PXDNL: variants seen among roughly 807,000 people sequenced by gnomAD.
The protein encoded by PXDNL is peroxidasin like, also known as probable oxidoreductase PXDNL.
PXDNL carries 145 observed loss-of-function variants against 150.8 expected under a neutral mutation model. The observed-to-expected ratio is 0.96, with a 90% CI of 0.84 to 1.10. The LOEUF is 1.10. Among genes scored for constraint, PXDNL ranks in the 50% least tolerant of loss-of-function variants. The pLI is 0.00. For missense variants in PXDNL, 2,087 were observed against 1,873.9 expected (o/e 1.11, Z -2.10); for synonymous variants, 757 against 725.7 (o/e 1.04, Z -0.69).
At chr8:51,731,716 A>G (rs1030467525) in intron 1 of PXDNL, among the ~76,000 whole-genome samples, 1 of 152,164 alleles carries the variant, frequency 6.6e-6, no homozygotes, top group African/African-American at 2.4e-5. Context: ...GGGGTTCCCA[A>G]ACCTCAATTC....
chr8:51,343,061 C>T (rs1360571069), intron 20 of PXDNL, among the ~76,000 whole-genome samples: 1 of 151,986 alleles, frequency 6.6e-6, no homozygotes, highest in East Asian at 1.9e-4. Context: ...CACAAAAACC[C>T]AAGACACTGT....
At chr8:51,741,827 T>C (rs1192686104) in intron 1 of PXDNL, among the ~76,000 whole-genome samples, 1 of 152,236 alleles carries the variant, frequency 6.6e-6, no homozygotes, top group East Asian at 1.9e-4. Flanking sequence ...GAAAATAATG[T>C]GGCAGTTTCT....
At chr8:51,806,056 GAT>G (rs2129266438) in intron 1 of PXDNL, among the ~76,000 whole-genome samples, 1 of 152,296 alleles carries the variant, frequency 6.6e-6, no homozygotes, top group South Asian at 2.1e-4. Context: ...TTTGGTAAAT[GAT>G]ATTAGTTTAG....
chr8:51,447,327 C>T (rs571182944), intron 11 of PXDNL, among the ~76,000 whole-genome samples, 165 bp from the exon 12 acceptor site: 18 of 152,102 alleles, frequency 1.2e-4, no homozygotes, highest in Admixed American at 5.2e-4. Context: ...AAACACAGCA[C>T]CCCCATGCCG....
chr8:51,368,673 C>G (rs890880171), intron 19 of PXDNL, among the ~76,000 whole-genome samples: 1 of 152,150 alleles, frequency 6.6e-6, no homozygotes, highest in Non-Finnish European at 1.5e-5. Context: ...ACGGAGGTCT[C>G]TATTTTACTC....
At chr8:51,662,612 T>G (rs751761988) in intron 1 of PXDNL, among the ~76,000 whole-genome samples, 1 of 152,210 alleles carries the variant, frequency 6.6e-6, no homozygotes, top group African/African-American at 2.4e-5. Flanking sequence ...TTACCTTGTA[T>G]TAGTTATAAG....
intron 1 of PXDNL, among the ~76,000 whole-genome samples, chr8:51,737,080 C>T (rs997546832): frequency 2.0e-5 from 3 of 152,148 alleles, no homozygotes; most frequent in African/African-American, 7.2e-5. Flanking sequence ...AATTTGGCAC[C>T]TCTTCATTCA....
intron 19 of PXDNL, among the ~76,000 whole-genome samples, chr8:51,361,072 T>G (rs2915490): frequency 6.6e-6 from 1 of 152,134 alleles, no homozygotes; most frequent in Non-Finnish European, 1.5e-5. Flanking sequence ...CCAGGCCCAC[T>G]GTGGCCACTG....
chr8:51,590,084 A>G (rs73572319), intron 3 of PXDNL, among the ~76,000 whole-genome samples: 7,738 of 152,098 alleles, frequency 0.051, 455 homozygotes, highest in African/African-American at 0.15. Flanking sequence ...TCAGAGCCAC[A>G]TTGGGTCTCT....
intron 1 of PXDNL, among the ~76,000 whole-genome samples, chr8:51,677,104 T>G (rs1815641926): frequency 6.6e-6 from 1 of 152,258 alleles, no homozygotes; most frequent in Non-Finnish European, 1.5e-5. Flanking sequence ...GAAAGCCTAC[T>G]GCTTTGTTTC....
At chr8:51,461,410 A>C (rs1421528090) in intron 8 of PXDNL, among the ~76,000 whole-genome samples, 2 of 152,258 alleles carry the variant, frequency 1.3e-5, no homozygotes, top group Non-Finnish European at 2.9e-5. Context: ...TGGGTGCAGA[A>C]GGCTTGGGAT....
At position 51,365,551 on chromosome 8, in the gene PXDNL, C is replaced by A. The variant is rs191109105; in HGVS notation, c.3901+6322G>T. ...CTCTTGGTATTATCCTCCTGATAATCATAACAGTAGTCTCCCTGCTGCGTT... is the reference window on the plus strand; with the variant it reads ...CTCTTGGTATTATCCTCCTGATAATAATAACAGTAGTCTCCCTGCTGCGTT... On this transcript the variant is annotated intron_variant, in intron 19 of 22. Transcript: ENST00000356297. Among the ~76,000 whole-genome samples the A allele has an allele frequency of 2.9e-3, 448 of 152,326 alleles. 3 individuals are homozygous for A. Among genetic ancestry groups the A allele is most frequent in the Non-Finnish European group, 4.4e-3 (299 of 68,038 alleles).
chr8:51,417,478 G>A (rs1808828894), intron 14 of PXDNL, among the ~76,000 whole-genome samples: 1 of 152,134 alleles, frequency 6.6e-6, no homozygotes, highest in Non-Finnish European at 1.5e-5. Flanking sequence ...GGGTGACTTG[G>A]GGACTGGACC....
At chr8:51,349,849 A>G (rs1194591623) in intron 19 of PXDNL, among the ~76,000 whole-genome samples, 2 of 152,310 alleles carry the variant, frequency 1.3e-5, no homozygotes, top group African/African-American at 4.8e-5. Flanking sequence ...GTCAAAATTG[A>G]TTTTTCAAAT....
chr8:51,453,932 T>A, intron 9 of PXDNL, 147 bp from the exon 10 acceptor site: 1 of 737,554 alleles, frequency 1.4e-6, no homozygotes, highest in African/African-American at 1.9e-5. Flanking sequence ...CACATTTAAT[T>A]CCCAGAAAAT....
intron 1 of PXDNL, among the ~76,000 whole-genome samples, chr8:51,665,966 T>C (rs577390046): frequency 6.6e-6 from 1 of 152,334 alleles, no homozygotes; most frequent in Non-Finnish European, 1.5e-5. Context: ...CTGTCAAAAT[T>C]TTAGTGACTT....
chr8:51,649,351 T>G (rs1814988088), intron 2 of PXDNL, among the ~76,000 whole-genome samples: 1 of 152,186 alleles, frequency 6.6e-6, no homozygotes, highest in Non-Finnish European at 1.5e-5. Context: ...ACTTGAAACT[T>G]TCCCATTAAA....
intron 19 of PXDNL, among the ~76,000 whole-genome samples, chr8:51,360,687 A>T (rs1046263435): frequency 6.6e-6 from 1 of 152,218 alleles, no homozygotes; most frequent in African/African-American, 2.4e-5. Context: ...CTGTAACCTA[A>T]CTGGATGTGT....
At chr8:51,427,399 A>T (rs1323290287) in intron 12 of PXDNL, among the ~76,000 whole-genome samples, 1 of 152,096 alleles carries the variant, frequency 6.6e-6, no homozygotes, top group African/African-American at 2.4e-5. Flanking sequence ...TCCTTTTGGA[A>T]GGCTCACCCT....
Sources: allele counts gnomAD v4.1 joint callset (sites outside exome capture counted in the v4.1 genomes callset), GRCh38; gene constraint gnomAD v4.1.1; transcripts MANE v1.5; gene names NCBI Gene and HGNC (gene_info 2026-07-23, HGNC 2026-07-21).